Variants in USP54 observed in about 807,000 individuals in gnomAD.
USP54 encodes ubiquitin specific peptidase 54, also known as ubiquitin carboxyl-terminal hydrolase 54.
In USP54, 87 loss-of-function variants were observed where a neutral mutation model predicts 170.5. The observed-to-expected ratio is 0.51, with a 90% confidence interval of 0.43 to 0.61. USP54 has a LOEUF of 0.61. USP54 is among the 20% of genes least tolerant of loss of function. The pLI, the probability that USP54 is intolerant of heterozygous loss-of-function variation, is 0.00. For synonymous variants in USP54, 655 were observed against 742.8 expected (o/e 0.88, Z 1.92); for missense variants, 1,786 against 2,047.8 (o/e 0.87, Z 2.47).
chr10:73,607,378 C>T (rs1207035613), intron 1 of USP54, among the ~76,000 whole-genome samples: 1 of 138,250 alleles, frequency 7.2e-6, no homozygotes, highest in Non-Finnish European at 1.6e-5. Flanking sequence ...GCCTAAAGAA[C>T]ATAGTCTCCA....
At chr10:73,578,148 T>C (rs1182018499) in intron 1 of USP54, among the ~76,000 whole-genome samples, 1 of 152,140 alleles carries the variant, frequency 6.6e-6, no homozygotes, top group Admixed American at 6.6e-5. Context: ...GGCAGTATTA[T>C]GTAGGGTAAA....
At chr10:73,608,858 T>TCAC (rs1395694868) in intron 1 of USP54, among the ~76,000 whole-genome samples, 1 of 152,042 alleles carries the variant, frequency 6.6e-6, no homozygotes, top group Non-Finnish European at 1.5e-5. Context: ...GATCCCAAGA[T>TCAC]CACAGCACTG....
chr10:73,557,491 T>TC (rs2071423885), intron 4 of USP54, among the ~76,000 whole-genome samples: 1 of 147,186 alleles, frequency 6.8e-6, no homozygotes, highest in South Asian at 2.1e-4. Flanking sequence ...TGGCTAATTT[T>TC]TTTTTTTTTT....
chr10:73,595,887 A>C (rs1355841213), upstream of USP54, among the ~76,000 whole-genome samples: 1 of 152,064 alleles, frequency 6.6e-6, no homozygotes, highest in East Asian at 1.9e-4. Context: ...AGGCAGGCGG[A>C]TCTCTTGAGG....
Position 73,562,519 on chromosome 10 carries a change from T to C in USP54, c.240+8902A>G, listed in dbSNP as rs190085438. On this transcript the variant is annotated intron_variant, in intron 4 of 23. Coordinates refer to ENST00000687698, the MANE Select transcript of USP54 (RefSeq NM_001391956.1). ...GTTCTTCAGTTTTGCCTGGTTTTGA[T>C]TTATATATAAATGGAATCATGATTC... Among the ~76,000 whole-genome samples, 109 of 152,340 alleles carry C rather than the reference T, an allele frequency of 7.2e-4. 1 individual carries two copies. The highest frequency in any genetic ancestry group is 6.2e-3 in the Admixed American group (95 of 15,304).
intron 3 of USP54, among the ~76,000 whole-genome samples, chr10:73,571,985 TA>T (rs2075283890): frequency 1.3e-5 from 2 of 152,096 alleles, no homozygotes; most frequent in Admixed American, 6.6e-5. Context: ...GTCAATAGGG[TA>T]AAAAATAATG....
At chr10:73,533,764 C>A (rs183710563) in intron 12 of USP54, among the ~76,000 whole-genome samples, 81 of 152,308 alleles carry the variant, frequency 5.3e-4, no homozygotes, top group African/African-American at 1.8e-3. Context: ...ATAAACAAAA[C>A]AATGCAAGAA....
At chr10:73,567,468 C>G (rs944340712) in intron 4 of USP54, among the ~76,000 whole-genome samples, 1 of 151,956 alleles carries the variant, frequency 6.6e-6, no homozygotes, top group Admixed American at 6.6e-5. Flanking sequence ...GTCAGGAGTT[C>G]GGGACCAGCC....
At chr10:73,589,223 A>G (rs1470358614) in intron 1 of USP54, among the ~76,000 whole-genome samples, 1 of 152,254 alleles carries the variant, frequency 6.6e-6, no homozygotes, top group Non-Finnish European at 1.5e-5. Flanking sequence ...ACTCAGTTAC[A>G]GGCATAACCA....
At chr10:73,523,865 T>C in intron 16 of USP54, 115 bp from the exon 17 acceptor site, 1 of 471,510 alleles carries the variant, frequency 2.1e-6, no homozygotes, top group Non-Finnish European at 3.3e-6. Flanking sequence ...CAATTTGGAG[T>C]TTATTTATTT....
chr10:73,576,710 T>C (rs1258136126), intron 1 of USP54, among the ~76,000 whole-genome samples: 2 of 152,206 alleles, frequency 1.3e-5, no homozygotes, highest in African/African-American at 4.8e-5. Context: ...AACTAGGAAC[T>C]GAAAGTTCCT....
intron 4 of USP54, among the ~76,000 whole-genome samples, chr10:73,565,925 T>C (rs1271219081): frequency 6.6e-6 from 1 of 152,152 alleles, no homozygotes; most frequent in Non-Finnish European, 1.5e-5. Context: ...CCAACAGTGA[T>C]TTATTTACAC....
chr10:73,573,939 G>A (rs1253069623), intron 3 of USP54, among the ~76,000 whole-genome samples: 1 of 152,136 alleles, frequency 6.6e-6, no homozygotes, highest in Non-Finnish European at 1.5e-5. Flanking sequence ...TAATGCCCAG[G>A]ACCATTGTTC....
At chr10:73,520,589 A>G (rs2061738371) in intron 18 of USP54, among the ~76,000 whole-genome samples, 1 of 152,218 alleles carries the variant, frequency 6.6e-6, no homozygotes, top group African/African-American at 2.4e-5. Context: ...CCAACCCACT[A>G]GCCAGTGACT....
At chr10:73,564,901 C>CAA (rs199823108) in intron 4 of USP54, among the ~76,000 whole-genome samples, 165 of 66,264 alleles carry the variant, frequency 2.5e-3, no homozygotes, top group Middle Eastern at 0.02. Context: ...TCATCTCTAC[C>CAA]AAAAAAAAAA....
chr10:73,574,557 A>T (rs2133817256), intron 3 of USP54, among the ~76,000 whole-genome samples: 1 of 152,122 alleles, frequency 6.6e-6, no homozygotes, highest in East Asian at 1.9e-4. Context: ...CAGGCGGATC[A>T]CTTGAGGCTA....
In USP54 at chr10:73,516,599, T is replaced by G. The variant is rs140255528; in HGVS notation, c.3827A>C (p.His1276Pro). The change falls in exon 20 of 24, where the codon CAT (histidine) becomes CCT (proline). Residue 1276 changes from histidine (H) to proline (P), a missense_variant. Physicochemically the swap from His to Pro is moderately conservative, Grantham distance 77 (BLOSUM62 -2). Around this residue, in one of 3 missense-constraint regions of USP54, gnomAD observed 1,418 missense variants for 1,569.0 expected, o/e 0.90. Transcript: ENST00000687698. Reference protein sequence around the residue: ...ITRFCDSQLKHGAPRPGMKSS... With the variant: ...ITRFCDSQLKPGAPRPGMKSS... ...CTTCATTCCTGGCCTAGGTGCCCCA[T>G]GCTTAAGCTGAGAATCACAGAACCT... 1 of 1,614,220 alleles carries G rather than the reference T, an allele frequency of 6.2e-7. No homozygotes were observed. The highest frequency in any genetic ancestry group is 2.2e-5 in the East Asian group (1 of 44,878).
In USP54 at chr10:73,616,881, G is replaced by T. The variant is rs375619997; in HGVS notation, c.-18+8686C>A. On this transcript the variant is annotated intron_variant, in intron 1 of 22. Coordinates refer to the USP54 transcript ENST00000339859. ...AAAATGTTTTCAGAGAATAAATGTA[G>T]CTTTGATACAAAAGAAAAACTAAAA... Among the ~76,000 whole-genome samples, 15 of 150,536 alleles carry T rather than the reference G, an allele frequency of 1.0e-4. No homozygotes were observed. The East Asian group carries it at 2.3e-3, about 23-fold the overall frequency.
chr10:73,539,902 G>A (rs1371433874), intron 9 of USP54, among the ~76,000 whole-genome samples: 2 of 152,080 alleles, frequency 1.3e-5, no homozygotes, highest in Non-Finnish European at 1.5e-5. Flanking sequence ...GAGGTGAACA[G>A]ATCTCTTGAG....
Sources: gnomAD v4.1 joint callset for allele counts (sites outside exome capture counted in the v4.1 genomes callset) on GRCh38, gnomAD v4.1.1 for gene constraint, gnomAD v4.1.1 regional missense constraint, MANE v1.5 for transcripts, NCBI Gene and HGNC (gene_info 2026-07-23, HGNC 2026-07-21) for gene names.